Variants in SLC52A3 observed in about 807,000 individuals in gnomAD.
SLC52A3 encodes solute carrier family 52 member 3.
SLC52A3 carries 20 observed loss-of-function variants against 29.5 expected under a neutral mutation model. That is an observed-to-expected ratio of 0.68 (90% CI 0.48 to 0.99). SLC52A3 has a LOEUF of 0.99. Ranked by LOEUF, SLC52A3 falls within the 50% of genes least tolerant of loss-of-function variation. SLC52A3 has a pLI of 0.00. For synonymous variants in SLC52A3, 301 were observed against 271.0 expected (o/e 1.11, Z -1.09); for missense variants, 548 against 612.9 (o/e 0.89, Z 1.12).
chr20:771,531 TG>T (rs1986840509), upstream of SLC52A3, among the ~76,000 whole-genome samples: 1 of 152,170 alleles, frequency 6.6e-6, no homozygotes, highest in South Asian at 2.1e-4. Flanking sequence ...CAAAAACTAA[TG>T]AATACATTTA....
upstream of SLC52A3, among the ~76,000 whole-genome samples, chr20:771,829 GTA>G (rs747257158): frequency 4.6e-5 from 7 of 152,188 alleles, no homozygotes; most frequent in Non-Finnish European, 8.8e-5. Flanking sequence ...GTGACTATCT[GTA>G]TTCTGAATAT....
chr20:762,288 G>C (rs775827114), intron 3 of SLC52A3, among the ~76,000 whole-genome samples: 1 of 152,300 alleles, frequency 6.6e-6, no homozygotes, highest in East Asian at 1.9e-4. Flanking sequence ...TGGCTGGATC[G>C]GGCATTGGCA....
chr20:768,987 G>T (rs2122538531), upstream of SLC52A3, among the ~76,000 whole-genome samples: 1 of 152,340 alleles, frequency 6.6e-6, no homozygotes, highest in South Asian at 2.1e-4. Context: ...GTCCTCACCA[G>T]GGCCCATGAC....
At chr20:762,428 C>G (rs935880550) in intron 3 of SLC52A3, among the ~76,000 whole-genome samples, 11 of 152,196 alleles carry the variant, frequency 7.2e-5, no homozygotes, top group Admixed American at 7.2e-4. Flanking sequence ...GAGCATCTCT[C>G]TACAGGTGGC....
upstream of SLC52A3, among the ~76,000 whole-genome samples, chr20:773,166 G>A (rs1032970456): frequency 3.9e-5 from 6 of 152,128 alleles, no homozygotes; most frequent in African/African-American, 1.2e-4. Flanking sequence ...AACATGAGGC[G>A]CCAGGGAGGA....
At position 761,001 on chromosome 20, in the gene SLC52A3, G is replaced by C. The variant is rs1464687808; in HGVS notation, c.*25C>G. ...CTGGACCCCAGTTCCGTCCGTGAGC[G>C]ATGGGGGCGGGGTCGGCGGCCTGCC... is the stretch of plus-strand genomic sequence containing the variant. On this transcript the variant is annotated 3_prime_UTR_variant, in exon 5 of 5. Transcript: ENST00000645534. The C allele has an allele frequency of 6.3e-7, 1 of 1,579,064 alleles. No individual in the cohort carries two copies.
At chr20:778,675 T>C (rs192051273), upstream of SLC52A3, among the ~76,000 whole-genome samples, 1 of 152,144 alleles carries the variant, frequency 6.6e-6, no homozygotes, top group Non-Finnish European at 1.5e-5. Flanking sequence ...AAGGGAGAAG[T>C]TAAGCCTTGC....
rs540781351 is a variant in SLC52A3 at position 773,932 on chromosome 20, C to T, written c.-238+2023G>A. Among the ~76,000 whole-genome samples the T allele has an allele frequency of 7.9e-5, 12 of 152,256 alleles. No homozygotes were observed. The South Asian group carries it at 2.5e-3, about 32-fold the overall frequency. On this transcript the variant is annotated intron_variant, in intron 1 of 5. Coordinates refer to the SLC52A3 transcript ENST00000217254. ...AGCTTCCATCCCACCCAATGTCCCC[C>T]GCCCCCCTCCACATTCTCCTGCCCT...
At chr20:761,967 G>C in intron 3 of SLC52A3, 143 bp from the exon 4 acceptor site, 1 of 1,254,316 alleles carries the variant, frequency 8.0e-7, no homozygotes, top group East Asian at 2.5e-5. Context: ...GGCTCAAGTG[G>C]GTCAGGGAGG....
At chr20:770,980 G>C (rs995522006), upstream of SLC52A3, among the ~76,000 whole-genome samples, 6 of 152,172 alleles carry the variant, frequency 3.9e-5, no homozygotes, top group African/African-American at 1.4e-4. The surrounding 1 kb of genome is among the most constrained non-coding windows in gnomAD (Gnocchi z 4.5). Context: ...TGCATACTAG[G>C]CTCCTTTGGG....
At chr20:777,575 C>T (rs138018939), upstream of SLC52A3, among the ~76,000 whole-genome samples, 3 of 152,316 alleles carry the variant, frequency 2.0e-5, no homozygotes, top group African/African-American at 7.2e-5. Flanking sequence ...GATTCTGACA[C>T]CTAGTAAATG....
At position 765,301 on chromosome 20, in the gene SLC52A3, G is replaced by A. The variant is rs751119191; in HGVS notation, c.474C>T (p.Ala158=). ...CGCAGGTAGTGAGACCGGAGCCCTG[G>A]GCAAGAGCCACCAGGGCGGGCAAGA... ...SGLLPALVAL[A]QGSGLTTCVN... Residue 158 remains alanine, a synonymous_variant, in exon 2 of 5, where the codon GCC becomes GCT. Transcript: ENST00000645534. This position sits in a 1 kb window ranked among gnomAD's most constrained non-coding sequence, Gnocchi z 6.6. The A allele has an allele frequency of 4.3e-6, 7 of 1,614,014 alleles. No homozygotes were observed. Among genetic ancestry groups the A allele is most frequent in the Non-Finnish European group, 5.9e-6 (7 of 1,180,036 alleles).
At chr20:770,651 C>T (rs1297971869), upstream of SLC52A3, among the ~76,000 whole-genome samples, 1 of 152,112 alleles carries the variant, frequency 6.6e-6, no homozygotes, top group African/African-American at 2.4e-5. The surrounding 1 kb of genome is among the most constrained non-coding windows in gnomAD (Gnocchi z 4.5). Flanking sequence ...TTTCAGCGAT[C>T]GAGAATTACT....
At chr20:771,298 G>A (rs1822338958), upstream of SLC52A3, among the ~76,000 whole-genome samples, 1 of 152,128 alleles carries the variant, frequency 6.6e-6, no homozygotes. Flanking sequence ...ATGGTGGTGG[G>A]CACCTGTAAT....
intron 1 of SLC52A3, among the ~76,000 whole-genome samples, chr20:775,610 G>C (rs998499737): frequency 6.6e-6 from 1 of 152,138 alleles, no homozygotes. Flanking sequence ...GGAGGCACCA[G>C]GGGTCTGGAA....
upstream of SLC52A3, among the ~76,000 whole-genome samples, chr20:771,003 A>G (rs1276223875): frequency 6.6e-6 from 1 of 152,224 alleles, no homozygotes; most frequent in African/African-American, 2.4e-5. Context: ...TTTGTGGCAG[A>G]GAGCACCCAT....
chr20:774,663 G>A (rs2122555441), intron 1 of SLC52A3, among the ~76,000 whole-genome samples: 1 of 152,276 alleles, frequency 6.6e-6, no homozygotes, highest in African/African-American at 2.4e-5. Flanking sequence ...GGCAGCTGGG[G>A]CGCTGGGAGC....
rs370718326 is a variant in SLC52A3, at chr20:765,456, C to T, written c.319G>A (p.Ala107Thr). Residue 107 changes from alanine to threonine, a missense_variant, in exon 2 of 5, where the codon GCC becomes ACC. Coordinates refer to ENST00000645534, the MANE Select transcript of SLC52A3 (RefSeq NM_033409.4). This position sits in a 1 kb window ranked among gnomAD's most constrained non-coding sequence, Gnocchi z 6.6. ...SWVLDGHHSI[A>T]FLVLTFFLAL... is the part of the protein sequence containing the mutation. ...AGGAAGAAGGTGAGGACCAAGAAGGCGATGCTGTGGTGGCCGTCCAGCACC... is the reference window on the plus strand; with the variant it reads ...AGGAAGAAGGTGAGGACCAAGAAGGTGATGCTGTGGTGGCCGTCCAGCACC... 28 of 1,608,976 alleles carry T rather than the reference C, an allele frequency of 1.7e-5. No individual in the cohort carries two copies. Among genetic ancestry groups the T allele is most frequent in the Admixed American group, 5.1e-5 (3 of 58,832 alleles).
At chr20:767,715 GATGCAAAT>G (rs1425942683) in intron 1 of SLC52A3, among the ~76,000 whole-genome samples, 1 of 152,088 alleles carries the variant, frequency 6.6e-6, no homozygotes. Flanking sequence ...CATATTACCT[GATGCAAAT>G]ATATGGTTAC....
Sources: allele counts gnomAD v4.1 joint callset (sites outside exome capture counted in the v4.1 genomes callset), GRCh38; gene constraint gnomAD v4.1.1; non-coding constraint Gnocchi (gnomAD v3.1); transcripts MANE v1.5; gene names NCBI Gene and HGNC (gene_info 2026-07-23, HGNC 2026-07-21).